Variants in PAM observed in about 807,000 individuals in gnomAD.
PAM encodes the protein peptidylglycine alpha-amidating monooxygenase, also known as peptidyl-glycine alpha-amidating monooxygenase.
PAM carries 72 observed loss-of-function variants against 122.1 expected under a neutral mutation model. That is an observed-to-expected ratio of 0.59 (90% CI 0.49 to 0.72). PAM has a LOEUF of 0.72. PAM is among the 30% of genes least tolerant of loss of function. The probability of loss-of-function intolerance (pLI) is 0.00; values close to 1 mark genes in which losing one functional copy is unlikely to be tolerated. For missense variants in PAM, 1,106 were observed against 1,183.7 expected, an observed-to-expected ratio of 0.93 and a Z score of 0.96; for synonymous variants, 389 against 404.4, an observed-to-expected ratio of 0.96 and a Z score of 0.46.
At chr5:102,987,185 G>T (rs766277017) in intron 15 of PAM, among the ~76,000 whole-genome samples, 1 of 152,166 alleles carries the variant, frequency 6.6e-6, no homozygotes, top group Non-Finnish European at 1.5e-5. Context: ...AGAGAAGGTG[G>T]TGTATGTACA....
chr5:102,871,338 A>AT (rs1787366354), intron 3 of PAM, among the ~76,000 whole-genome samples: 1 of 152,202 alleles, frequency 6.6e-6, no homozygotes, highest in Non-Finnish European at 1.5e-5. Flanking sequence ...GGAAATGTGA[A>AT]TGCACCTTGA....
At chr5:102,758,073 GTTTTTTTTTTTTTTTT>G (rs1168917285) in intron 1 of PAM, among the ~76,000 whole-genome samples, 13 of 24,812 alleles carry the variant, frequency 5.2e-4, no homozygotes, top group South Asian at 1.8e-3. Context: ...TTAGAATTTT[GTTTTTTTTTTTTTTTT>G]TTTTTTTTTT....
At chr5:102,811,565 G>C in intron 1 of PAM, among the ~76,000 whole-genome samples, 1 of 152,160 alleles carries the variant, frequency 6.6e-6, no homozygotes, top group East Asian at 1.9e-4. Flanking sequence ...CATCTGCAAA[G>C]TCCTTTCGGC....
intron 7 of PAM, among the ~76,000 whole-genome samples, chr5:102,931,830 C>CTCTG (rs1554124861): frequency 2.6e-5 from 4 of 152,034 alleles, no homozygotes; most frequent in African/African-American, 9.7e-5. Flanking sequence ...CTCTCTCTCT[C>CTCTG]TCTGTCTCTC....
intron 3 of PAM, among the ~76,000 whole-genome samples, chr5:102,882,110 T>TATATACAC (rs1561748160): frequency 7.7e-5 from 8 of 103,784 alleles, no homozygotes; most frequent in African/African-American, 3.1e-4. Flanking sequence ...TATATATATA[T>TATATACAC]ACACCACATT....
At chr5:102,801,968 C>A (rs892984821) in intron 1 of PAM, among the ~76,000 whole-genome samples, 11 of 150,302 alleles carry the variant, frequency 7.3e-5, no homozygotes, top group Admixed American at 2.6e-4. Flanking sequence ...TTAGTAGAGA[C>A]GGGGTTTCAC....
Position 103,006,925 on chromosome 5 carries a change from G to A in PAM, c.1928G>A (p.Gly643Glu). 6.2e-7 allele frequency: 1 copy of A among 1,614,002 alleles called. No individual in the cohort carries two copies. The highest frequency in any genetic ancestry group is 8.5e-7 in the Non-Finnish European group (1 of 1,179,942). Residue 643 changes from glycine (G) to glutamate (E), a missense_variant, in exon 19 of 26, where the codon GGA becomes GAA. By Grantham distance (98) the Gly-to-Glu change is moderately conservative. Around this residue, in one of 3 missense-constraint regions of PAM, gnomAD observed 103 missense variants for 157.9 expected, o/e 0.65. Transcript: ENST00000438793. ...GATGTGGCTGTGGATCCAGGCACTGGAGCCATTTATGTATCAGATGGTTAC... is the reference window on the plus strand; with the variant it reads ...GATGTGGCTGTGGATCCAGGCACTGAAGCCATTTATGTATCAGATGGTTAC... ...PTDVAVDPGT[G>E]AIYVSDGYCN...
In PAM at chr5:102,948,464, A is replaced by G; in HGVS notation, c.643+19A>G. The G allele has an allele frequency of 1.6e-6, 2 of 1,229,640 alleles. No individual in the cohort carries two copies. Among genetic ancestry groups the G allele is most frequent in the East Asian group, 2.3e-5 (1 of 43,030 alleles). 76.2% of individuals were successfully genotyped at this position (1,229,640 alleles called of 1,614,324 possible). Reference sequence around the variant, plus strand: ...GAAAAAGGTGAGTAATGATTTTTTAATATTTACCATTACCTCATTACCTAA... The same window carrying G: ...GAAAAAGGTGAGTAATGATTTTTTAGTATTTACCATTACCTCATTACCTAA... On this transcript the variant is annotated intron_variant, in intron 9 of 25. Coordinates refer to ENST00000438793, the MANE Select transcript of PAM (RefSeq NM_001177306.2).
At chr5:102,850,538 G>C (rs1781101048) in intron 1 of PAM, among the ~76,000 whole-genome samples, 1 of 152,202 alleles carries the variant, frequency 6.6e-6, no homozygotes, top group Non-Finnish European at 1.5e-5. Context: ...TAGGCAGTTA[G>C]AAGAGCCTCC....
intron 15 of PAM, among the ~76,000 whole-genome samples, chr5:102,984,812 G>T (rs144161703): frequency 6.6e-6 from 1 of 152,154 alleles, no homozygotes; most frequent in Non-Finnish European, 1.5e-5. Context: ...ACATTCTCCA[G>T]GATAGACCAT....
intron 3 of PAM, among the ~76,000 whole-genome samples, chr5:102,900,496 T>C (rs1165590150): frequency 6.6e-6 from 1 of 151,562 alleles, no homozygotes; most frequent in Admixed American, 6.6e-5. Context: ...GAAACATAGG[T>C]ACAAAATTCA....
chr5:102,766,926 A>ATTTTTTTTTTTTTTTT lies in PAM; in HGVS notation c.-374+11594_-374+11609dup. On this transcript the variant is annotated intron_variant, in intron 1 of 25. Transcript: ENST00000438793. ...ATTTATTTTATTGCTTCAGTTGTGG[A>ATTTTTTTTTTTTTTTT]TTTTTTTTTTTTTTTTTTTTTTTTT... is the stretch of plus-strand genomic sequence containing the variant. 7.9e-3 allele frequency among the ~76,000 whole-genome samples: 203 copies of ATTTTTTTTTTTTTTTT among 25,858 alleles called. 82 individuals carry two copies. The highest frequency in any genetic ancestry group is 0.023 in the East Asian group (16 of 702). The allele number at this position is 25,858 out of a possible 152,430, so 17.0% of individuals were successfully genotyped here. A position where few individuals can be genotyped will look rare whatever the true frequency, so the allele number is the denominator to read the frequency against.
chr5:102,760,478 T>G (rs1365342112), intron 1 of PAM, among the ~76,000 whole-genome samples: 1 of 152,238 alleles, frequency 6.6e-6, no homozygotes, highest in African/African-American at 2.4e-5. Context: ...AGCCACATTG[T>G]CTGTTTAAAT....
intron 1 of PAM, among the ~76,000 whole-genome samples, chr5:102,815,135 C>T (rs537158436): frequency 2.0e-5 from 3 of 152,228 alleles, no homozygotes; most frequent in Non-Finnish European, 4.4e-5. Context: ...GGGGTCTCCC[C>T]GTCATTTCCC....
intron 7 of PAM, among the ~76,000 whole-genome samples, chr5:102,940,141 CACACACACAT>C (rs1161580464): frequency 1.9e-4 from 29 of 151,040 alleles, no homozygotes; most frequent in African/African-American, 6.3e-4. Context: ...CACACACACA[CACACACACAT>C]ACACACACAC....
At chr5:102,974,959 C>G (rs564786232) in intron 15 of PAM, 1 of 152,394 alleles carries the variant, frequency 6.6e-6, no homozygotes, top group South Asian at 2.1e-4. Context: ...TTATAAATTA[C>G]AATCTTAATT....
chr5:102,778,219 C>A (rs1276683603), intron 1 of PAM, among the ~76,000 whole-genome samples: 5 of 152,148 alleles, frequency 3.3e-5, no homozygotes, highest in Non-Finnish European at 7.3e-5. Flanking sequence ...GTAATACTTG[C>A]ATTTGCACTT....
intron 1 of PAM, among the ~76,000 whole-genome samples, chr5:102,787,536 G>A (rs781501341): frequency 6.6e-6 from 1 of 150,952 alleles, no homozygotes; most frequent in Non-Finnish European, 1.5e-5. Flanking sequence ...CAATTATGGG[G>A]ACAGATTTCC....
chr5:102,824,392 C>T (rs761950195), intron 1 of PAM, among the ~76,000 whole-genome samples: 1 of 152,126 alleles, frequency 6.6e-6, no homozygotes, highest in Non-Finnish European at 1.5e-5. Flanking sequence ...ATTGTTTTAT[C>T]TTAGTCATTC....
Sources: gnomAD v4.1 joint callset for allele counts (sites outside exome capture counted in the v4.1 genomes callset) on GRCh38, gnomAD v4.1.1 for gene constraint, gnomAD v4.1.1 regional missense constraint, MANE v1.5 for transcripts, NCBI Gene and HGNC (gene_info 2026-07-23, HGNC 2026-07-21) for gene names.